SMURF2: variants seen among roughly 807,000 people sequenced by gnomAD.
The protein encoded by SMURF2 is SMAD specific E3 ubiquitin protein ligase 2, also known as E3 ubiquitin-protein ligase SMURF2.
SMURF2 carries 48 observed loss-of-function variants against 109.6 expected under a neutral mutation model. The observed-to-expected ratio is 0.44, with a 90% CI of 0.35 to 0.56. The LOEUF (loss-of-function observed/expected upper bound fraction) is 0.56. Ranked by LOEUF, SMURF2 falls within the 20% of genes least tolerant of loss-of-function variation. The pLI, the probability that SMURF2 is intolerant of heterozygous loss-of-function variation, is 0.01. For missense variants in SMURF2, 575 were observed against 909.0 expected, an observed-to-expected ratio of 0.63 and a Z score of 4.72; for synonymous variants, 288 against 317.1, an observed-to-expected ratio of 0.91 and a Z score of 0.97.
intron 9 of SMURF2, among the ~76,000 whole-genome samples, chr17:64,575,154 T>C (rs1969471507): frequency 6.6e-6 from 1 of 151,706 alleles, no homozygotes; most frequent in Non-Finnish European, 1.5e-5. Context: ...CACTACTTTT[T>C]ATCTATTTAT....
intron 6 of SMURF2, among the ~76,000 whole-genome samples, chr17:64,583,969 T>C (rs1969611679): frequency 1.3e-5 from 2 of 152,006 alleles, no homozygotes; most frequent in Admixed American, 1.3e-4. Context: ...GGCCAAAAGC[T>C]TTTCAAAGCA....
intron 1 of SMURF2, among the ~76,000 whole-genome samples, chr17:64,645,864 G>A (rs2144727339): frequency 6.6e-6 from 1 of 151,938 alleles, no homozygotes; most frequent in East Asian, 1.9e-4. Context: ...CTGGAATGAG[G>A]GTACAACATA....
chr17:64,622,984 CTTTA>C (rs1260865979), intron 1 of SMURF2, among the ~76,000 whole-genome samples: 1 of 152,154 alleles, frequency 6.6e-6, no homozygotes, highest in Non-Finnish European at 1.5e-5. Flanking sequence ...TCCAATACTA[CTTTA>C]TTTTATTGCT....
intron 9 of SMURF2, chr17:64,573,125 A>AGAGGAGGAGGAG (rs372553868): frequency 4.7e-5 from 2 of 42,258 alleles, no homozygotes; most frequent in Non-Finnish European, 7.6e-5. Flanking sequence ...ATTAAAAAAA[A>AGAGGAGGAGGAG]GAGGAGGAGG....
Position 64,546,291 on chromosome 17 carries a change from T to C in SMURF2, c.2119A>G (p.Thr707Ala). The change falls in exon 18 of 19, where the codon ACT becomes GCT. Residue 707 changes from threonine (T) to alanine (A), a missense_variant. Coordinates refer to ENST00000262435, the MANE Select transcript of SMURF2 (RefSeq NM_022739.4). ...LFTIHQIDAC[T>A]NNLPKAHTCF... Reference sequence around the variant, plus strand: ...GTGTGGGCTTTCGGCAGGTTGTTAGTGCAGGCATCAATCTGGTGTATGGTA... The same window carrying C: ...GTGTGGGCTTTCGGCAGGTTGTTAGCGCAGGCATCAATCTGGTGTATGGTA... 6.2e-7 allele frequency: 1 copy of C among 1,614,110 alleles called. No homozygotes were observed.
intron 8 of SMURF2, among the ~76,000 whole-genome samples, chr17:64,579,042 C>A (rs898604109): frequency 6.6e-6 from 1 of 152,118 alleles, no homozygotes. Flanking sequence ...GGTATATTCT[C>A]AAGATTACAT....
rs2144575898 is a variant in SMURF2 at position 64,543,217 on chromosome 17, A to G, written c.*2631T>C. ...ATGTAACTTTGAAATGGAAATCTAA[A>G]TCATGTTTTTATATATGTTGGTGAT... is the stretch of plus-strand genomic sequence containing the variant. On this transcript the variant is annotated 3_prime_UTR_variant, in exon 19 of 19. Coordinates refer to ENST00000262435, the MANE Select transcript of SMURF2 (RefSeq NM_022739.4). 1 of 152,010 alleles carries G rather than the reference A, an allele frequency of 6.6e-6. No individual in the cohort carries two copies. Among genetic ancestry groups the G allele is most frequent in the Non-Finnish European group, 1.5e-5 (1 of 67,970 alleles). 9.4% of individuals were successfully genotyped at this position (152,010 alleles called of 1,614,324 possible).
Position 64,580,882 on chromosome 17 carries a change from T to C in SMURF2, c.679A>G (p.Arg227Gly). The change falls in exon 8 of 19, where the codon AGG (arginine) becomes GGG (glycine). Residue 227 changes from arginine to glycine, a missense_variant. Arg to Gly is a moderately radical substitution (Grantham distance 125, BLOSUM62 -2). This residue lies in a region of SMURF2 where 151 missense variants were observed against 178.4 expected (regional missense o/e 0.85). Transcript: ENST00000262435. ...GATCGQSSDP[R>G]LAERRVRSQR... ...GACCTGACTCTCCTCTCTGCCAGCCTGGGATCTGAAGACTGTCCACATGTT... is the reference window on the plus strand; with the variant it reads ...GACCTGACTCTCCTCTCTGCCAGCCCGGGATCTGAAGACTGTCCACATGTT... 1 of 1,614,190 alleles carries C rather than the reference T, an allele frequency of 6.2e-7. No individual in the cohort carries two copies.
intron 2 of SMURF2, among the ~76,000 whole-genome samples, chr17:64,603,848 A>C (rs1555688810): frequency 6.6e-6 from 1 of 152,122 alleles, no homozygotes; most frequent in Non-Finnish European, 1.5e-5. Context: ...CATACAAATT[A>C]CTCTTCAAAA....
In SMURF2 at chr17:64,551,791, G is replaced by A. The variant is rs534738569; in HGVS notation, c.1749-87C>T. 33 of 1,499,806 alleles carry A rather than the reference G, an allele frequency of 2.2e-5. No individual in the cohort carries two copies. The South Asian group carries it at 3.1e-4, about 14-fold the overall frequency. 92.9% of individuals were successfully genotyped at this position (1,499,806 alleles called of 1,614,324 possible). ...TATAAATCTCTACTTTAGCAACACC[G>A]CATCTTACAAGCATCTAACATTAAC... is the stretch of plus-strand genomic sequence containing the variant. On this transcript the variant is annotated intron_variant, in intron 15 of 18. Transcript: ENST00000262435.
rs1043958111 is a variant in SMURF2 at position 64,544,588 on chromosome 17, G to A, written c.*1260C>T. On this transcript the variant is annotated 3_prime_UTR_variant, in exon 19 of 19. Coordinates refer to ENST00000262435, the MANE Select transcript of SMURF2 (RefSeq NM_022739.4). ...CGCACCTTGAAAGCTAAATCTGGAC[G>A]TTTCAAAATCAGATGCAGATCTTCA... is the stretch of plus-strand genomic sequence containing the variant. 2.0e-4 allele frequency: 31 copies of A among 152,212 alleles called. 1 individual carries two copies. Among genetic ancestry groups the A allele is most frequent in the Non-Finnish European group, 5.9e-5 (4 of 68,002 alleles). The allele number at this position is 152,212 out of a possible 1,614,324, so 9.4% of individuals were successfully genotyped here.
chr17:64,633,295 G>C (rs1438215605), intron 1 of SMURF2, among the ~76,000 whole-genome samples: 1 of 152,134 alleles, frequency 6.6e-6, no homozygotes, highest in Non-Finnish European at 1.5e-5. Context: ...CAAAAAAACA[G>C]ATCTCTACCT....
chr17:64,603,934 T>C (rs1969934300), intron 2 of SMURF2, among the ~76,000 whole-genome samples: 1 of 152,232 alleles, frequency 6.6e-6, no homozygotes, highest in African/African-American at 2.4e-5. Context: ...TCGTACTTTG[T>C]ATTAAAATTT....
At chr17:64,608,671 A>G (rs1209837187) in intron 1 of SMURF2, among the ~76,000 whole-genome samples, 3 of 152,208 alleles carry the variant, frequency 2.0e-5, no homozygotes, top group Non-Finnish European at 4.4e-5. Flanking sequence ...CCGACTTCAG[A>G]GAAAGAGAAA....
intron 1 of SMURF2, among the ~76,000 whole-genome samples, chr17:64,651,759 C>CA (rs1223467794): frequency 2.6e-5 from 4 of 151,440 alleles, no homozygotes; most frequent in Admixed American, 2.6e-4. Flanking sequence ...CCCATGTCTA[C>CA]AAAAAATAAA....
At chr17:64,650,723 G>A (rs1555693411) in intron 1 of SMURF2, among the ~76,000 whole-genome samples, 1 of 152,026 alleles carries the variant, frequency 6.6e-6, no homozygotes, top group Non-Finnish European at 1.5e-5. Flanking sequence ...CCAGCTACTG[G>A]GGAGGCTGAG....
chr17:64,551,420 C>G (rs1382810426), intron 16 of SMURF2, among the ~76,000 whole-genome samples, 164 bp downstream of exon 16: 1 of 151,950 alleles, frequency 6.6e-6, no homozygotes, highest in Non-Finnish European at 1.5e-5. Flanking sequence ...GCATGAAAGG[C>G]CTTCAAAAGC....
chr17:64,598,634 A>G (rs189844569), intron 2 of SMURF2, 144 bp from the exon 3 acceptor site: 1 of 519,850 alleles, frequency 1.9e-6, no homozygotes, highest in Non-Finnish European at 3.1e-6. Flanking sequence ...TCCATTTTTT[A>G]AAAAAAAAGA....
chr17:64,659,233 A>G (rs1425961650), intron 1 of SMURF2, among the ~76,000 whole-genome samples: 1 of 152,220 alleles, frequency 6.6e-6, no homozygotes, highest in Non-Finnish European at 1.5e-5. Flanking sequence ...CAATTCCACA[A>G]TAAAGTTATT....
Sources: gnomAD v4.1 joint callset for allele counts (sites outside exome capture counted in the v4.1 genomes callset) on GRCh38, gnomAD v4.1.1 for gene constraint, gnomAD v4.1.1 regional missense constraint, MANE v1.5 for transcripts, NCBI Gene and HGNC (gene_info 2026-07-23, HGNC 2026-07-21) for gene names.